Variants in MAMDC2 observed in about 807,000 individuals in gnomAD.
MAMDC2 encodes the protein MAM domain-containing protein 2.
MAMDC2 carries 57 observed loss-of-function variants against 89.8 expected under a neutral mutation model. The observed-to-expected ratio is 0.63, with a 90% CI of 0.51 to 0.79. MAMDC2 has a LOEUF of 0.79. MAMDC2 is among the 30% of genes least tolerant of loss of function. MAMDC2 has a pLI of 0.00. For synonymous variants in MAMDC2, 313 were observed against 293.4 expected (o/e 1.07, Z -0.68); for missense variants, 800 against 820.6 (o/e 0.97, Z 0.31).
Position 70,168,061 on chromosome 9 carries a change from T to C in MAMDC2, c.1405-641T>C, listed in dbSNP as rs115453162. ...CTTTGTGGATTATCTGGGGAAAATGTTTAAAACCTGACAGGCATTTCTCTG... is the reference window on the plus strand; with the variant it reads ...CTTTGTGGATTATCTGGGGAAAATGCTTAAAACCTGACAGGCATTTCTCTG... On this transcript the variant is annotated intron_variant, in intron 9 of 13. Coordinates refer to ENST00000377182, the MANE Select transcript of MAMDC2 (RefSeq NM_153267.5). Among the ~76,000 whole-genome samples the C allele has an allele frequency of 3.9e-3, 599 of 152,364 alleles. 3 individuals are homozygous for C. Among genetic ancestry groups the C allele is most frequent in the African/African-American group, 0.013 (554 of 41,606 alleles).
intron 5 of MAMDC2, 126 bp from the exon 6 acceptor site, chr9:70,126,033 C>A: frequency 9.7e-7 from 1 of 1,035,670 alleles, no homozygotes; most frequent in Non-Finnish European, 1.4e-6. Flanking sequence ...AGCTGTAACT[C>A]ATCCACTTCC....
Position 70,140,209 on chromosome 9 carries a change from A to C in MAMDC2, c.1059A>C (p.Gln353His). Reference protein sequence around the residue: ...NFEQDLCNFYQDKEGPGWTRV... With the variant: ...NFEQDLCNFYHDKEGPGWTRV... ...AGCAAGATCTCTGCAACTTTTACCA[A>C]GATAAAGAAGGTCCAGGTTGGACCC... The change falls in exon 8 of 14, where the codon CAA becomes CAC. Residue 353 changes from glutamine (Q) to histidine (H), a missense_variant. Coordinates refer to ENST00000377182, the MANE Select transcript of MAMDC2 (RefSeq NM_153267.5). 6.3e-7 allele frequency: 1 copy of C among 1,596,472 alleles called. No homozygotes were observed. Among genetic ancestry groups the C allele is most frequent in the Non-Finnish European group, 8.5e-7 (1 of 1,174,520 alleles).
chr9:70,047,565 C>T (rs559545873), intron 2 of MAMDC2, among the ~76,000 whole-genome samples: 3 of 152,286 alleles, frequency 2.0e-5, no homozygotes, highest in East Asian at 3.9e-4. Context: ...GTATTCCATG[C>T]TGTATATGTG....
At chr9:70,208,990 C>T (rs1426534623) in intron 11 of MAMDC2, among the ~76,000 whole-genome samples, 4 of 152,154 alleles carry the variant, frequency 2.6e-5, no homozygotes, top group Admixed American at 6.5e-5. Flanking sequence ...CCAACTTGAT[C>T]ATGGTGGATA....
intron 9 of MAMDC2, among the ~76,000 whole-genome samples, chr9:70,164,223 A>G (rs1378156781): frequency 1.3e-5 from 2 of 152,168 alleles, no homozygotes; most frequent in African/African-American, 4.8e-5. Flanking sequence ...GCAGTCCTCC[A>G]TAACAAAGAA....
intron 11 of MAMDC2, among the ~76,000 whole-genome samples, chr9:70,179,027 AGTTTT>A (rs1475006140): frequency 6.6e-6 from 1 of 152,192 alleles, no homozygotes; most frequent in East Asian, 1.9e-4. Context: ...CAATATTGGC[AGTTTT>A]GTTTTAATAT....
Position 70,108,262 on chromosome 9 carries a change from T to C in MAMDC2, c.200T>C (p.Val67Ala), listed in dbSNP as rs1166970828. Residue 67 changes from valine to alanine, a missense_variant, in exon 3 of 14, where the codon GTG becomes GCG. By Grantham distance (64) the Val-to-Ala change is moderately conservative (BLOSUM62 0). Transcript: ENST00000377182. ...TSFGKQGEKA[V>A]LLSPDLQAEE... ...TTTGGCAAGCAGGGGGAGAAAGCTG[T>C]GCTGCTAAGTCCTGACTTACAGGCT... is the stretch of plus-strand genomic sequence containing the variant. 6.2e-7 allele frequency: 1 copy of C among 1,613,284 alleles called. No individual in the cohort carries two copies. Among genetic ancestry groups the C allele is most frequent in the East Asian group, 2.2e-5 (1 of 44,856 alleles).
intron 8 of MAMDC2, among the ~76,000 whole-genome samples, chr9:70,141,413 G>A (rs1242281725): frequency 6.6e-6 from 1 of 152,184 alleles, no homozygotes; most frequent in Non-Finnish European, 1.5e-5. Context: ...GAACGAATCT[G>A]AAATGAATCC....
At chr9:70,112,950 G>GGTGTGACT in intron 4 of MAMDC2, 45 bp from the exon 5 acceptor site, 2 of 1,612,242 alleles carry the variant, frequency 1.2e-6, no homozygotes, top group Non-Finnish European at 1.7e-6. Flanking sequence ...CGTGTACCCA[G>GGTGTGACT]GTGTGACTGT....
intron 12 of MAMDC2, among the ~76,000 whole-genome samples, chr9:70,222,246 G>C (rs2033577852): frequency 6.6e-6 from 1 of 152,206 alleles, no homozygotes; most frequent in Non-Finnish European, 1.5e-5. Flanking sequence ...AGACAGAGCA[G>C]ACCTGGAGTG....
chr9:70,159,490 CTA>C (rs1397296349), intron 9 of MAMDC2, among the ~76,000 whole-genome samples: 1 of 152,192 alleles, frequency 6.6e-6, no homozygotes, highest in Non-Finnish European at 1.5e-5. Flanking sequence ...CTAATTGCCT[CTA>C]TGTCTCAGAG....
At chr9:70,180,071 T>A (rs183513790) in intron 11 of MAMDC2, among the ~76,000 whole-genome samples, 272 of 151,232 alleles carry the variant, frequency 1.8e-3, no homozygotes, top group African/African-American at 5.2e-3. Context: ...TGTCCACGTG[T>A]TATCATTGTT....
intron 11 of MAMDC2, among the ~76,000 whole-genome samples, chr9:70,193,376 A>G (rs149446665): frequency 1.3e-3 from 194 of 152,216 alleles, no homozygotes; most frequent in Middle Eastern, 0.01. Context: ...GATCTTCTAG[A>G]TCAGCTAAGG....
rs1052478697 is a variant in MAMDC2, at chr9:70,105,347, C to G, written c.149-2864C>G. Among the ~76,000 whole-genome samples the G allele has an allele frequency of 7.2e-5, 11 of 152,224 alleles. 1 individual carries two copies. Among genetic ancestry groups the G allele is most frequent in the Non-Finnish European group, 1.2e-4 (8 of 68,018 alleles). ...GTTTAGAAGGATTCTAAGGCTGTAT[C>G]CAGAGCAGGCCTGGAAAACGTAGTG... On this transcript the variant is annotated intron_variant, in intron 2 of 13. Transcript: ENST00000377182.
At chr9:70,076,044 G>A (rs974975392) in intron 2 of MAMDC2, among the ~76,000 whole-genome samples, 27 of 152,218 alleles carry the variant, frequency 1.8e-4, no homozygotes, top group African/African-American at 5.5e-4. Context: ...TCAGGGCTGC[G>A]ATGGCAGGTG....
At chr9:70,190,344 GCT>G (rs2032852535) in intron 11 of MAMDC2, among the ~76,000 whole-genome samples, 1 of 152,078 alleles carries the variant, frequency 6.6e-6, no homozygotes, top group Admixed American at 6.6e-5. Context: ...GTATGGCTCT[GCT>G]CTGTTAGCTT....
At chr9:70,044,413 GT>G (rs1441692190) in intron 1 of MAMDC2, among the ~76,000 whole-genome samples, 170 bp from the exon 2 acceptor site, 1 of 151,894 alleles carries the variant, frequency 6.6e-6, no homozygotes, top group Non-Finnish European at 1.5e-5. Flanking sequence ...TGGGCGTGGG[GT>G]CGCTCAGTGG....
At chr9:70,195,459 T>G (rs1428623819) in intron 11 of MAMDC2, among the ~76,000 whole-genome samples, 5 of 152,100 alleles carry the variant, frequency 3.3e-5, no homozygotes, top group Non-Finnish European at 7.4e-5. Flanking sequence ...TCCCCTCTTA[T>G]CTGTGATCTT....
At chr9:70,216,185 A>C (rs1365137722) in intron 11 of MAMDC2, 4 of 152,206 alleles carry the variant, frequency 2.6e-5, no homozygotes, top group African/African-American at 9.6e-5. Flanking sequence ...TTTTTACATC[A>C]TATATGTAAA....
Sources: gnomAD v4.1 joint callset for allele counts (sites outside exome capture counted in the v4.1 genomes callset) on GRCh38, gnomAD v4.1.1 for gene constraint, MANE v1.5 for transcripts, NCBI Gene and HGNC (gene_info 2026-07-23, HGNC 2026-07-21) for gene names.